The following ABCC1 variants were observed in gnomAD, a reference collection of about 807,000 sequenced individuals.
The protein encoded by ABCC1 is multidrug resistance-associated protein 1.
A neutral mutation model predicts 172.9 loss-of-function variants in ABCC1; 83 were observed. The ratio of observed to expected loss-of-function variants is 0.48; its 90% CI spans 0.40 to 0.58. The LOEUF (loss-of-function observed/expected upper bound fraction) is 0.58, where lower values mean the gene tolerates loss of function less well. ABCC1 is among the 20% of genes least tolerant of loss of function. ABCC1 has a pLI of 0.00. For missense variants in ABCC1, 1,817 were observed against 2,002.7 expected, an observed-to-expected ratio of 0.91 and a Z score of 1.77; for synonymous variants, 937 against 825.2, an observed-to-expected ratio of 1.14 and a Z score of -2.32.
chr16:16,141,269 C>T lies in ABCC1; in HGVS notation c.4584C>T (p.Ala1528=), dbSNP rs760226246. 2.4e-5 allele frequency: 39 copies of T among 1,613,892 alleles called. No homozygotes were observed. In the East Asian group the frequency reaches 3.3e-4, roughly 14 times the overall value. ...RGLFYSMAKD[A]GLV ...TTTTCTACAGCATGGCCAAAGACGC[C>T]GGCTTGGTGTGAGCCCCAGAGCTGG... Residue 1528 remains alanine (A), a synonymous_variant, in exon 31 of 31, where the codon GCC becomes GCT. Coordinates refer to ENST00000399410, the MANE Select transcript of ABCC1 (RefSeq NM_004996.4).
intron 1 of ABCC1, among the ~76,000 whole-genome samples, chr16:15,989,101 G>C (rs2046804557): frequency 6.7e-6 from 1 of 148,282 alleles, no homozygotes; most frequent in Admixed American, 6.8e-5. Context: ...AATTAGTTTT[G>C]CATGTAACTG....
Position 15,949,811 on chromosome 16 carries a change from G to A in ABCC1, c.48+12G>A. ...CCGACCCGCTCTGGGTACGTGCCGGGGGCCGCGTGAGGCCGGCGGGACGGA... is the reference window on the plus strand; with the variant it reads ...CCGACCCGCTCTGGGTACGTGCCGGAGGCCGCGTGAGGCCGGCGGGACGGA... On this transcript the variant is annotated intron_variant, in intron 1 of 30. Transcript: ENST00000399410. The A allele has an allele frequency of 8.4e-7, 1 of 1,195,128 alleles. No homozygotes were observed. 74.0% of individuals were successfully genotyped at this position (1,195,128 alleles called of 1,614,324 possible). A position where few individuals can be genotyped will look rare whatever the true frequency, so the allele number is the denominator to read the frequency against.
chr16:15,965,819 A>T (rs2046230044), intron 1 of ABCC1, among the ~76,000 whole-genome samples: 1 of 138,978 alleles, frequency 7.2e-6, no homozygotes, highest in African/African-American at 2.7e-5. Flanking sequence ...CTGGTCTCGA[A>T]CTCCTGACCT....
intron 1 of ABCC1, among the ~76,000 whole-genome samples, chr16:15,991,731 A>G (rs752336072): frequency 2.9e-4 from 44 of 152,128 alleles, no homozygotes; most frequent in Non-Finnish European, 5.0e-4. Context: ...CCTTTCTCCT[A>G]GAGTTACGGG....
chr16:16,114,498 G>A (rs1000319651), intron 22 of ABCC1, among the ~76,000 whole-genome samples: 1 of 151,878 alleles, frequency 6.6e-6, no homozygotes, highest in Non-Finnish European at 1.5e-5. Context: ...CAACCACCAC[G>A]CCTGGCTAAT....
At chr16:15,973,977 C>T (rs1365619693) in intron 1 of ABCC1, among the ~76,000 whole-genome samples, 2 of 151,822 alleles carry the variant, frequency 1.3e-5, no homozygotes, top group African/African-American at 2.4e-5. Context: ...AGAGTGAGAC[C>T]CTGTCTCAAA....
chr16:16,080,892 G>A (rs1176134181), intron 16 of ABCC1, among the ~76,000 whole-genome samples: 1 of 150,108 alleles, frequency 6.7e-6, no homozygotes, highest in Non-Finnish European at 1.5e-5. Flanking sequence ...TTGAGACAGA[G>A]TTTTTTTTGT....
At chr16:15,958,687 C>T (rs1167394351) in intron 1 of ABCC1, among the ~76,000 whole-genome samples, 2 of 152,226 alleles carry the variant, frequency 1.3e-5, no homozygotes, top group African/African-American at 4.8e-5. Context: ...CTGAGGCAAG[C>T]TTCCCCCCGC....
chr16:16,134,608 G>T, intron 28 of ABCC1, 100 bp downstream of exon 28: 2 of 1,046,208 alleles, frequency 1.9e-6, no homozygotes, highest in African/African-American at 1.7e-5. Context: ...ACATACATTT[G>T]GCCCTACTTC....
rs146614180 is a variant in ABCC1 at position 16,141,288 on chromosome 16, G to A, written c.*7G>A. On this transcript the variant is annotated 3_prime_UTR_variant, in exon 31 of 31. Coordinates refer to ENST00000399410, the MANE Select transcript of ABCC1 (RefSeq NM_004996.4). ...AGACGCCGGCTTGGTGTGAGCCCCA[G>A]AGCTGGCATATCTGGTCAGAACTGC... The A allele has an allele frequency of 9.3e-6, 15 of 1,613,658 alleles. No homozygotes were observed. The African/African-American group carries it at 1.9e-4, about 20-fold the overall frequency.
chr16:16,018,649 G>A (rs1487688103), intron 5 of ABCC1, among the ~76,000 whole-genome samples: 2 of 151,996 alleles, frequency 1.3e-5, no homozygotes, highest in Non-Finnish European at 2.9e-5. Context: ...AAATGAGCAA[G>A]TGCACACATC....
At chr16:16,086,453 T>G (rs758562928) in intron 17 of ABCC1, among the ~76,000 whole-genome samples, 1 of 152,002 alleles carries the variant, frequency 6.6e-6, no homozygotes, top group African/African-American at 2.4e-5. Context: ...CTCTATGCCT[T>G]TCTTTCTTTC....
At chr16:16,008,113 G>A in intron 2 of ABCC1, 121 bp downstream of exon 2, 1 of 1,033,348 alleles carries the variant, frequency 9.7e-7, no homozygotes, top group Non-Finnish European at 1.4e-6. Context: ...TCTTCTAGAA[G>A]GCAGAAGAAT....
intron 11 of ABCC1, among the ~76,000 whole-genome samples, chr16:16,054,279 T>C (rs1187993751): frequency 1.4e-5 from 2 of 147,054 alleles, no homozygotes; most frequent in East Asian, 1.9e-4. Flanking sequence ...CTGGCCATTA[T>C]ATATGTTTTG....
intron 18 of ABCC1, among the ~76,000 whole-genome samples, chr16:16,089,535 G>A (rs1033738139): frequency 7.3e-5 from 11 of 151,224 alleles, no homozygotes; most frequent in Non-Finnish European, 1.5e-4. Context: ...GCGACAGAGC[G>A]AGACCCTATC....
At chr16:16,089,397 A>T (rs1394974691) in intron 18 of ABCC1, among the ~76,000 whole-genome samples, 1 of 151,846 alleles carries the variant, frequency 6.6e-6, no homozygotes, top group South Asian at 2.1e-4. Context: ...AAAATACAAA[A>T]ATTATCTGGG....
chr16:15,999,769 T>TCTCTCTCTC (rs2047186174), intron 1 of ABCC1, among the ~76,000 whole-genome samples: 11 of 25,352 alleles, frequency 4.3e-4, no homozygotes, highest in Non-Finnish European at 5.3e-4. Context: ...CCCGGCCTCT[T>TCTCTCTCTC]TCTCTCTCTC....
chr16:16,078,484 G>A (rs2050675336), intron 15 of ABCC1, among the ~76,000 whole-genome samples: 1 of 152,120 alleles, frequency 6.6e-6, no homozygotes, highest in Non-Finnish European at 1.5e-5. Flanking sequence ...GGTGGCTCCC[G>A]GCTGGCAGAG....
chr16:16,135,119 A>C (rs2045870992), intron 28 of ABCC1, among the ~76,000 whole-genome samples: 1 of 152,218 alleles, frequency 6.6e-6, no homozygotes, highest in Non-Finnish European at 1.5e-5. Flanking sequence ...CTGCTGCCAG[A>C]GTCAGACTGA....
Sources: gnomAD v4.1 joint callset for allele counts (sites outside exome capture counted in the v4.1 genomes callset) on GRCh38, gnomAD v4.1.1 for gene constraint, MANE v1.5 for transcripts, NCBI Gene and HGNC (gene_info 2026-07-23, HGNC 2026-07-21) for gene names.